SLC38A1: variants seen among roughly 807,000 people sequenced by gnomAD.
SLC38A1 encodes the protein solute carrier family 38 member 1, also known as sodium-coupled neutral amino acid symporter 1.
SLC38A1 carries 18 observed loss-of-function variants against 60.3 expected under a neutral mutation model. The observed-to-expected ratio is 0.30, with a 90% confidence interval of 0.21 to 0.44. The LOEUF (loss-of-function observed/expected upper bound fraction) is 0.44. Among genes scored for constraint, SLC38A1 ranks in the 20% least tolerant of loss-of-function variants. The pLI, the probability that SLC38A1 is intolerant of heterozygous loss-of-function variation, is 1.00. For missense variants in SLC38A1, 448 were observed against 587.2 expected (o/e 0.76, Z 2.45); for synonymous variants, 196 against 212.1 (o/e 0.92, Z 0.66).
intron 14 of SLC38A1, 131 bp from the exon 15 acceptor site, chr12:46,198,191 G>T: frequency 2.0e-6 from 2 of 981,806 alleles, no homozygotes; most frequent in Non-Finnish European, 3.0e-6. Flanking sequence ...TGAATTTATA[G>T]ATAGCTTAAC....
chr12:46,207,671 G>T (rs1348320146), intron 6 of SLC38A1, 50 bp from the exon 7 acceptor site: 2 of 1,517,454 alleles, frequency 1.3e-6, no homozygotes, highest in South Asian at 2.2e-5. Flanking sequence ...GGTTCAGAAA[G>T]TTAAAATAGT....
Position 46,195,802 on chromosome 12 carries a change from T to C in SLC38A1, c.1362+1918A>G, listed in dbSNP as rs148960455. The C allele has an allele frequency of 1.8e-4, 41 of 232,578 alleles. No homozygotes were observed. The East Asian group carries it at 3.8e-3, about 22-fold the overall frequency. The allele number at this position is 232,578 out of a possible 1,614,324, so 14.4% of individuals were successfully genotyped here. ...CCTGGTCTGCCAGTTGCTAAGACTG[T>C]GGGAAAAGTGCAGTATTTGGTCAGG... is the stretch of plus-strand genomic sequence containing the variant. On this transcript the variant is annotated intron_variant, in intron 16 of 16. Coordinates refer to ENST00000398637, the MANE Select transcript of SLC38A1 (RefSeq NM_030674.4).
intron 5 of SLC38A1, among the ~76,000 whole-genome samples, chr12:46,220,278 T>C (rs1331405743): frequency 1.3e-5 from 2 of 152,172 alleles, no homozygotes; most frequent in Admixed American, 1.3e-4. Flanking sequence ...ATGTGCCATT[T>C]CTCCCTCTCC....
At chr12:46,194,215 G>A (rs1390945450) in intron 16 of SLC38A1, among the ~76,000 whole-genome samples, 1 of 152,168 alleles carries the variant, frequency 6.6e-6, no homozygotes, top group Non-Finnish European at 1.5e-5. Flanking sequence ...CTGGATAGGA[G>A]ATTCCGGGTT....
intron 5 of SLC38A1, among the ~76,000 whole-genome samples, chr12:46,209,931 A>G (rs900116800): frequency 9.9e-5 from 15 of 152,242 alleles, no homozygotes; most frequent in African/African-American, 3.4e-4. Flanking sequence ...CCTATTTATT[A>G]AAAAAGAAGA....
chr12:46,190,552 A>G (rs949208589), intron 16 of SLC38A1, among the ~76,000 whole-genome samples: 3 of 152,154 alleles, frequency 2.0e-5, no homozygotes, highest in African/African-American at 7.2e-5. Flanking sequence ...ACTCCCACCA[A>G]CAGTGTAAAA....
At chr12:46,237,794 G>C (rs1408272426) in intron 3 of SLC38A1, among the ~76,000 whole-genome samples, 3 of 151,794 alleles carry the variant, frequency 2.0e-5, no homozygotes, top group African/African-American at 4.9e-5. Context: ...TTTGATAATG[G>C]ATTGCTTTGA....
At chr12:46,249,858 G>A (rs1941772182) in intron 1 of SLC38A1, among the ~76,000 whole-genome samples, 7 of 152,062 alleles carry the variant, frequency 4.6e-5, no homozygotes, top group Admixed American at 4.6e-4. Flanking sequence ...AGCCTACCAA[G>A]TAAAAGAAGT....
intron 5 of SLC38A1, among the ~76,000 whole-genome samples, chr12:46,215,564 C>T (rs1400201388): frequency 2.0e-5 from 3 of 152,140 alleles, no homozygotes; most frequent in Non-Finnish European, 2.9e-5. Context: ...CATGCCACCA[C>T]ACCCAGCTAA....
Position 46,209,058 on chromosome 12 carries a change from T to C in SLC38A1, c.384A>G (p.Glu128=). 1.9e-6 allele frequency: 3 copies of C among 1,607,202 alleles called. No homozygotes were observed. Among genetic ancestry groups the C allele is most frequent in the Non-Finnish European group, 2.5e-6 (3 of 1,176,676 alleles). The part of the protein sequence containing the change: ...SINLLLICSK[E]TGCMVYEKLG... ...TCAAACACGTCCTCAGCTTACCTGT[T>C]TCTTTTGAACAGATCAATAGGAGGT... The change falls in exon 6 of 17, where the codon GAA becomes GAG. Residue 128 remains glutamate (E), a synonymous_variant. Coordinates refer to ENST00000398637, the MANE Select transcript of SLC38A1 (RefSeq NM_030674.4).
intron 1 of SLC38A1, among the ~76,000 whole-genome samples, chr12:46,260,348 T>A (rs1942160284): frequency 6.6e-6 from 1 of 152,220 alleles, no homozygotes; most frequent in Admixed American, 6.5e-5. Flanking sequence ...TACAAAGGCA[T>A]CTTTCAGATC....
intron 1 of SLC38A1, among the ~76,000 whole-genome samples, chr12:46,249,019 G>T (rs940748367): frequency 1.3e-5 from 2 of 151,964 alleles, no homozygotes; most frequent in African/African-American, 4.8e-5. Flanking sequence ...AACCAGGTGC[G>T]GTGGCGGGTG....
In SLC38A1 at chr12:46,189,152, T is replaced by C. The variant is rs147250173; in HGVS notation, c.1363-81A>G. 50 of 981,464 alleles carry C rather than the reference T, an allele frequency of 5.1e-5. No individual in the cohort carries two copies. In the East Asian group the frequency reaches 1.2e-3, roughly 24 times the overall value. The allele number at this position is 981,464 out of a possible 1,614,324, so 60.8% of individuals were successfully genotyped here. ...TACCTGGGGAAAAAAAATAGAACAG[T>C]TTTTCCTCTCCCTTTGTGTCCTCTG... is the stretch of plus-strand genomic sequence containing the variant. On this transcript the variant is annotated intron_variant, in intron 16 of 16. Coordinates refer to ENST00000398637, the MANE Select transcript of SLC38A1 (RefSeq NM_030674.4).
Position 46,204,525 on chromosome 12 carries a change from C to G in SLC38A1, c.705+7G>C, listed in dbSNP as rs1592080190. The G allele has an allele frequency of 6.2e-7, 1 of 1,612,574 alleles. No homozygotes were observed. Among genetic ancestry groups the G allele is most frequent in the East Asian group, 2.2e-5 (1 of 44,794 alleles). ...AAACCAAACCAACCATTGCAATCAG[C>G]ACTTACCACAATTAGGAAAAAAACC... On this transcript the variant is annotated splice_region_variant and intron_variant, in intron 10 of 16. Coordinates refer to ENST00000398637, the MANE Select transcript of SLC38A1 (RefSeq NM_030674.4).
chr12:46,197,938 C>T lies in SLC38A1; in HGVS notation c.1245G>A (p.Lys415=). 6.2e-7 allele frequency: 1 copy of T among 1,614,050 alleles called. No homozygotes were observed. The highest frequency in any genetic ancestry group is 1.3e-5 in the African/African-American group (1 of 75,040). ...CCATACCTACGACTCCAAAAATATC[C>T]TTCATGGAGGGTATGAAGATCACCA... ...NLLVIFIPSM[K]DIFGVVGVTS... is the part of the protein sequence containing the mutation. The change falls in exon 15 of 17, where the codon AAG becomes AAA. Residue 415 remains lysine, a synonymous_variant. Transcript: ENST00000398637.
rs145491045 is a variant in SLC38A1 at position 46,190,020 on chromosome 12, G to A, written c.1363-949C>T. 5.4e-3 allele frequency among the ~76,000 whole-genome samples: 824 copies of A among 152,140 alleles called. 9 individuals carry two copies. Among genetic ancestry groups the A allele is most frequent in the African/African-American group, 0.019 (778 of 41,494 alleles). On this transcript the variant is annotated intron_variant, in intron 16 of 16. Coordinates refer to ENST00000398637, the MANE Select transcript of SLC38A1 (RefSeq NM_030674.4). ...TGTTACATAGGTATACATGTGCCAT[G>A]TTGGTTTGCTGCACCCATCAACTTG...
At chr12:46,241,332 C>A (rs912158487) in intron 2 of SLC38A1, among the ~76,000 whole-genome samples, 1 of 152,176 alleles carries the variant, frequency 6.6e-6, no homozygotes, top group Non-Finnish European at 1.5e-5. Context: ...ACAGAAAGTG[C>A]CTTAGAATGA....
At chr12:46,223,894 G>C (rs1940761059) in intron 5 of SLC38A1, among the ~76,000 whole-genome samples, 1 of 152,172 alleles carries the variant, frequency 6.6e-6, no homozygotes, top group South Asian at 2.1e-4. Context: ...ATCAGATTCT[G>C]TGTAGTGTAA....
At chr12:46,202,777 C>T (rs1287716383) in intron 12 of SLC38A1, among the ~76,000 whole-genome samples, 1 of 152,170 alleles carries the variant, frequency 6.6e-6, no homozygotes, top group Non-Finnish European at 1.5e-5. Context: ...ACATGGTTGG[C>T]TACTTTTTAT....
Sources: allele counts gnomAD v4.1 joint callset (sites outside exome capture counted in the v4.1 genomes callset), GRCh38; gene constraint gnomAD v4.1.1; transcripts MANE v1.5; gene names NCBI Gene and HGNC (gene_info 2026-07-23, HGNC 2026-07-21).